Variants in ZNF385D observed in about 807,000 individuals in gnomAD.
The protein encoded by ZNF385D is zinc finger protein 385D, also known as zinc finger protein 659.
A neutral mutation model predicts 35.8 loss-of-function variants in ZNF385D; 15 were observed. That is an observed-to-expected ratio of 0.42 (90% CI 0.28 to 0.64). ZNF385D has a LOEUF of 0.64. Ranked by LOEUF, ZNF385D falls within the 30% of genes least tolerant of loss-of-function variation. The pLI, the probability that ZNF385D is intolerant of heterozygous loss-of-function variation, is 0.23. For missense variants in ZNF385D, 474 were observed against 494.6 expected (o/e 0.96, Z 0.39); for synonymous variants, 212 against 186.8 (o/e 1.13, Z -1.10).
intron 2 of ZNF385D, among the ~76,000 whole-genome samples, chr3:22,181,471 C>A (rs533000603): frequency 6.6e-6 from 1 of 151,828 alleles, no homozygotes; most frequent in Non-Finnish European, 1.5e-5. Flanking sequence ...CCGAGGCGGG[C>A]GGATCACGAG....
intron 3 of ZNF385D, among the ~76,000 whole-genome samples, chr3:21,782,737 AC>A (rs1452258484): frequency 5.9e-5 from 9 of 152,162 alleles, no homozygotes; most frequent in African/African-American, 2.2e-4. Context: ...ATGTTCTACT[AC>A]TTTTAGAATG....
At chr3:21,847,756 G>T (rs748079130) in intron 3 of ZNF385D, among the ~76,000 whole-genome samples, 3 of 151,956 alleles carry the variant, frequency 2.0e-5, no homozygotes, top group Admixed American at 6.6e-5. Flanking sequence ...ATCCTAGAAA[G>T]TTCCCTCTTA....
chr3:21,800,459 G>C (rs752221417), intron 3 of ZNF385D, among the ~76,000 whole-genome samples: 5 of 151,978 alleles, frequency 3.3e-5, no homozygotes, highest in Non-Finnish European at 5.9e-5. Flanking sequence ...AATAAAAGTT[G>C]AACATCTAGT....
intron 2 of ZNF385D, among the ~76,000 whole-genome samples, chr3:22,315,207 C>T (rs1378171891): frequency 6.6e-6 from 1 of 152,172 alleles, no homozygotes; most frequent in Non-Finnish European, 1.5e-5. Flanking sequence ...GAAGCCACAG[C>T]ATCTTAGTAG....
chr3:22,229,726 C>T (rs1247793608), intron 2 of ZNF385D, among the ~76,000 whole-genome samples: 1 of 152,182 alleles, frequency 6.6e-6, no homozygotes. Flanking sequence ...CAGCAATAGA[C>T]AAGTGGTCAC....
chr3:21,509,724 A>G (rs1016249524), intron 4 of ZNF385D, among the ~76,000 whole-genome samples: 1 of 152,186 alleles, frequency 6.6e-6, no homozygotes, highest in Non-Finnish European at 1.5e-5. Context: ...AAGATGAGAC[A>G]TGTATTCAGG....
At chr3:21,774,797 A>T (rs1185780638) in intron 3 of ZNF385D, among the ~76,000 whole-genome samples, 1 of 151,928 alleles carries the variant, frequency 6.6e-6, no homozygotes, top group Non-Finnish European at 1.5e-5. Context: ...AACTTTAAAG[A>T]TGTCCAGCTT....
intron 2 of ZNF385D, among the ~76,000 whole-genome samples, chr3:22,368,903 T>G (rs528939398): frequency 6.6e-6 from 1 of 152,198 alleles, no homozygotes; most frequent in Admixed American, 6.5e-5. Context: ...TTTAATTGAC[T>G]AGAATGTTTT....
chr3:21,583,241 T>C (rs1008739677), intron 2 of ZNF385D, among the ~76,000 whole-genome samples: 1 of 152,184 alleles, frequency 6.6e-6, no homozygotes, highest in African/African-American at 2.4e-5. Flanking sequence ...CAAAGGGGTT[T>C]GCAAACCCCA....
In ZNF385D at chr3:22,242,731, G is replaced by A. The variant is rs147691462; in HGVS notation, c.107-73696C>T. Among the ~76,000 whole-genome samples the A allele has an allele frequency of 5.6e-4, 84 of 151,114 alleles. 3 individuals carry two copies. In the East Asian group the frequency reaches 6.1e-3, roughly 11 times the overall value. Reference sequence around the variant, plus strand: ...CAGGAGAAAACAATCACTAAAATATGAATAAAGACCATAGTTAATGGATTA... The same window carrying A: ...CAGGAGAAAACAATCACTAAAATATAAATAAAGACCATAGTTAATGGATTA... On this transcript the variant is annotated intron_variant, in intron 2 of 5. Transcript: ENST00000494108.
At chr3:21,975,699 C>T (rs1349212052) in intron 3 of ZNF385D, among the ~76,000 whole-genome samples, 9 of 109,100 alleles carry the variant, frequency 8.2e-5, no homozygotes, top group East Asian at 6.3e-4. Context: ...TATGTACCCA[C>T]GAAATATATA....
intron 3 of ZNF385D, among the ~76,000 whole-genome samples, chr3:21,941,318 TTATC>T (rs3074801): frequency 0.11 from 17,237 of 152,076 alleles, 1,281 homozygotes; most frequent in South Asian, 0.25. Flanking sequence ...GACAAAAATA[TTATC>T]TATTTGGAAA....
chr3:21,700,445 G>A lies in ZNF385D; in HGVS notation c.23-35417C>T, dbSNP rs897931152. On this transcript the variant is annotated intron_variant, in intron 1 of 7. Coordinates refer to ENST00000281523, the MANE Select transcript of ZNF385D (RefSeq NM_024697.3). ...CCAAAGCCTGGACTTATATAGATAA[G>A]CATTTATACCATATGATTAATTTTT... is the stretch of plus-strand genomic sequence containing the variant. 3.9e-5 allele frequency among the ~76,000 whole-genome samples: 6 copies of A among 152,286 alleles called. No individual in the cohort carries two copies. The East Asian group carries it at 1.2e-3, about 29-fold the overall frequency.
At chr3:22,300,828 A>G (rs540444882) in intron 2 of ZNF385D, among the ~76,000 whole-genome samples, 12 of 152,114 alleles carry the variant, frequency 7.9e-5, no homozygotes, top group Admixed American at 2.0e-4. Context: ...TCCATGTGCA[A>G]TTTTGATGGG....
chr3:21,453,302 T>G (rs1702581059), intron 4 of ZNF385D, among the ~76,000 whole-genome samples: 1 of 151,962 alleles, frequency 6.6e-6, no homozygotes, highest in Non-Finnish European at 1.5e-5. Context: ...TGTGACCTTG[T>G]ATTAGGCAAT....
intron 3 of ZNF385D, among the ~76,000 whole-genome samples, chr3:22,072,391 A>G (rs1008362191): frequency 3.9e-5 from 6 of 152,112 alleles, no homozygotes; most frequent in African/African-American, 1.2e-4. Context: ...TTTTGGTTAT[A>G]TAAGAGGCTT....
intron 3 of ZNF385D, among the ~76,000 whole-genome samples, chr3:21,865,039 G>A (rs1190005964): frequency 8.0e-6 from 1 of 125,760 alleles, no homozygotes; most frequent in Non-Finnish European, 1.6e-5. Context: ...TGGGGTACAG[G>A]GAAGACTTTT....
chr3:21,492,765 ACT>A (rs199792451), intron 4 of ZNF385D, among the ~76,000 whole-genome samples: 1,980 of 137,664 alleles, frequency 0.014, 45 homozygotes, highest in African/African-American at 0.05. Context: ...GCCTAGCAAG[ACT>A]CTGTTTCAAA....
At chr3:22,192,581 G>A (rs1207266308) in intron 2 of ZNF385D, among the ~76,000 whole-genome samples, 1 of 152,126 alleles carries the variant, frequency 6.6e-6, no homozygotes, top group Non-Finnish European at 1.5e-5. Flanking sequence ...AGCCATGTGT[G>A]TGAACTACCA....
Sources: gnomAD v4.1 joint callset for allele counts (sites outside exome capture counted in the v4.1 genomes callset) on GRCh38, gnomAD v4.1.1 for gene constraint, MANE v1.5 for transcripts, NCBI Gene and HGNC (gene_info 2026-07-23, HGNC 2026-07-21) for gene names.